The following PRMT3 variants were observed in gnomAD, a reference collection of about 807,000 sequenced individuals.
The protein encoded by PRMT3 is protein arginine methyltransferase 3.
Under a neutral mutation model 71.9 loss-of-function variants are expected in PRMT3, and 62 were observed. That is an observed-to-expected ratio of 0.86 (90% CI 0.70 to 1.07). The LOEUF (loss-of-function observed/expected upper bound fraction) is 1.07, where lower values mean the gene tolerates loss of function less well. Among genes scored for constraint, PRMT3 ranks in the 50% least tolerant of loss-of-function variants. PRMT3 has a pLI of 0.00. For synonymous variants in PRMT3, 213 were observed against 220.4 expected (o/e 0.97, Z 0.30); for missense variants, 663 against 643.0 (o/e 1.03, Z -0.34).
Position 20,426,825 on chromosome 11 carries a change from TTCC to T in PRMT3, c.955_957del (p.Pro319del). On this transcript the variant is annotated inframe_deletion, in exon 10 of 16. Transcript: ENST00000331079. ...AAAGGAAAGATTGAAGAAGTTCATC[TTCC>T]TGTAGAAAAAGTAGATGTTATCATA... 6.5e-7 allele frequency: 1 copy of T among 1,529,414 alleles called. No individual in the cohort carries two copies. The highest frequency in any genetic ancestry group is 8.7e-7 in the Non-Finnish European group (1 of 1,150,334). The allele number at this position is 1,529,414 out of a possible 1,614,324, so 94.7% of individuals were successfully genotyped here. A position where few individuals can be genotyped will look rare whatever the true frequency, so the allele number is the denominator to read the frequency against.
chr11:20,502,143 A>G (rs1851472561), intron 15 of PRMT3, among the ~76,000 whole-genome samples: 1 of 152,232 alleles, frequency 6.6e-6, no homozygotes, highest in East Asian at 1.9e-4. Flanking sequence ...ATGATAAAAA[A>G]CAAGTCCATG....
intron 8 of PRMT3, chr11:20,407,407 C>T (rs7116248): frequency 0.82 from 126,185 of 153,630 alleles, 53,736 homozygotes; most frequent in Non-Finnish European, 0.95. Context: ...TTTGTTACTA[C>T]GTTTTATTTG....
intron 9 of PRMT3, among the ~76,000 whole-genome samples, chr11:20,412,186 C>A (rs1590044569): frequency 6.6e-6 from 1 of 152,068 alleles, no homozygotes. Context: ...TTGTTATTAT[C>A]AAGATCCAGT....
At chr11:20,488,288 C>T (rs986718387) in intron 13 of PRMT3, among the ~76,000 whole-genome samples, 1 of 152,090 alleles carries the variant, frequency 6.6e-6, no homozygotes. Context: ...TGTGGCAGCT[C>T]GTATAGCTTA....
At chr11:20,453,968 G>C (rs1035361961) in intron 11 of PRMT3, among the ~76,000 whole-genome samples, 4 of 152,122 alleles carry the variant, frequency 2.6e-5, no homozygotes, top group Non-Finnish European at 5.9e-5. Flanking sequence ...TTTCAGATTA[G>C]GGATACATAA....
intron 9 of PRMT3, among the ~76,000 whole-genome samples, chr11:20,416,032 C>T (rs537896114): frequency 2.0e-5 from 3 of 152,268 alleles, no homozygotes; most frequent in Admixed American, 2.0e-4. Flanking sequence ...GTTGAGTATC[C>T]TTAATGTTTC....
chr11:20,438,378 C>T (rs772457747), intron 10 of PRMT3, among the ~76,000 whole-genome samples: 7 of 152,048 alleles, frequency 4.6e-5, no homozygotes, highest in Non-Finnish European at 7.4e-5. Context: ...GCAGCAAGTA[C>T]CCTAGAATGG....
chr11:20,476,276 C>T (rs1474799440), intron 13 of PRMT3, among the ~76,000 whole-genome samples: 2 of 151,964 alleles, frequency 1.3e-5, no homozygotes, highest in Non-Finnish European at 2.9e-5. Flanking sequence ...TTGCTTGAAC[C>T]CAGGAGGCAG....
At chr11:20,443,062 A>G (rs1448600584) in intron 10 of PRMT3, among the ~76,000 whole-genome samples, 2 of 152,200 alleles carry the variant, frequency 1.3e-5, no homozygotes, top group African/African-American at 2.4e-5. Context: ...AATGCTGTGT[A>G]CCATTTGACT....
At chr11:20,438,072 T>G (rs534236900) in intron 10 of PRMT3, among the ~76,000 whole-genome samples, 1 of 152,232 alleles carries the variant, frequency 6.6e-6, no homozygotes, top group South Asian at 2.1e-4. Context: ...CCCATGAACC[T>G]TTTGTGTTAC....
In PRMT3 at chr11:20,490,233, A is replaced by G. The variant is rs552246286; in HGVS notation, c.1348-3686A>G. Among the ~76,000 whole-genome samples the G allele has an allele frequency of 2.0e-5, 3 of 152,194 alleles. No homozygotes were observed. In the East Asian group the frequency reaches 5.8e-4, roughly 29 times the overall value. On this transcript the variant is annotated intron_variant, in intron 13 of 15. Coordinates refer to ENST00000331079, the MANE Select transcript of PRMT3 (RefSeq NM_005788.4). ...TGGAACTGAGTATTACTGTAAACCA[A>G]ACCTCATTAGAAATGTGACTGTGCT...
rs117762805 is a variant in PRMT3 at position 20,412,892 on chromosome 11, T to C, written c.893+4860T>C. On this transcript the variant is annotated intron_variant, in intron 9 of 15. Coordinates refer to ENST00000331079, the MANE Select transcript of PRMT3 (RefSeq NM_005788.4). ...CTTGAGACTAGGAGTTGGAGGCTGC[T>C]AGTGTGCTAGGATTGAGCCTGGGCA... Among the ~76,000 whole-genome samples, 1,114 of 152,208 alleles carry C rather than the reference T, an allele frequency of 7.3e-3. 8 individuals are homozygous for C. The highest frequency in any genetic ancestry group is 0.013 in the Non-Finnish European group (858 of 67,976).
intron 6 of PRMT3, 58 bp downstream of exon 6, chr11:20,396,020 A>C: frequency 6.7e-7 from 1 of 1,495,076 alleles, no homozygotes; most frequent in Non-Finnish European, 9.2e-7. Flanking sequence ...ATACAACCTA[A>C]TGGCAAAGTA....
At chr11:20,442,751 T>C (rs960265909) in intron 10 of PRMT3, among the ~76,000 whole-genome samples, 6 of 152,254 alleles carry the variant, frequency 3.9e-5, no homozygotes, top group Non-Finnish European at 8.8e-5. Flanking sequence ...TATTCTTGTG[T>C]AGAATAAATT....
At chr11:20,435,866 G>T (rs572688765) in intron 10 of PRMT3, among the ~76,000 whole-genome samples, 1 of 152,334 alleles carries the variant, frequency 6.6e-6, no homozygotes, top group East Asian at 1.9e-4. Context: ...TACGAAGAAT[G>T]TCATTGGTAT....
chr11:20,408,047 AGC>A lies in PRMT3; in HGVS notation c.893+16_893+17del, dbSNP rs1259465068. On this transcript the variant is annotated intron_variant, in intron 9 of 15. Coordinates refer to ENST00000331079, the MANE Select transcript of PRMT3 (RefSeq NM_005788.4). ...GATATTATAAGGTACATATATTTTA[AGC>A]CTTCATTTAAGATTATTTTAAAATT... The A allele has an allele frequency of 6.7e-7, 1 of 1,494,984 alleles. No homozygotes were observed. The highest frequency in any genetic ancestry group is 9.1e-7 in the Non-Finnish European group (1 of 1,101,992). 92.6% of individuals were successfully genotyped at this position (1,494,984 alleles called of 1,614,324 possible). A position where few individuals can be genotyped will look rare whatever the true frequency, so the allele number is the denominator to read the frequency against.
chr11:20,469,678 A>T (rs1850596696), intron 13 of PRMT3, among the ~76,000 whole-genome samples: 1 of 152,142 alleles, frequency 6.6e-6, no homozygotes, highest in Non-Finnish European at 1.5e-5. Context: ...ATTTCCTTTG[A>T]GCATCATGTC....
chr11:20,404,237 T>G lies in PRMT3; in HGVS notation c.771+1253T>G, dbSNP rs113558981. ...TTTTTTTTTTTTTTTTTTTTTTTTT[T>G]TTTTTTTTTTTTTTTGAGACAGAGT... On this transcript the variant is annotated intron_variant, in intron 8 of 15. Transcript: ENST00000331079. Among the ~76,000 whole-genome samples the G allele has an allele frequency of 5.1e-5, 6 of 117,070 alleles. No individual in the cohort carries two copies. The East Asian group carries it at 7.1e-4, about 14-fold the overall frequency. The allele number at this position is 117,070 out of a possible 152,430, so 76.8% of individuals were successfully genotyped here. A position where few individuals can be genotyped will look rare whatever the true frequency, so the allele number is the denominator to read the frequency against.
At chr11:20,487,763 AT>A (rs1590104399) in intron 13 of PRMT3, among the ~76,000 whole-genome samples, 1 of 152,260 alleles carries the variant, frequency 6.6e-6, no homozygotes, top group African/African-American at 2.4e-5. Context: ...AATGTGAGGT[AT>A]CAATTTATGA....
Sources: allele counts gnomAD v4.1 joint callset (sites outside exome capture counted in the v4.1 genomes callset), GRCh38; gene constraint gnomAD v4.1.1; transcripts MANE v1.5; gene names NCBI Gene and HGNC (gene_info 2026-07-23, HGNC 2026-07-21).